The following HERC4 variants were observed in gnomAD, a reference collection of about 807,000 sequenced individuals.
HERC4 encodes probable E3 ubiquitin-protein ligase HERC4.
In HERC4, 28 loss-of-function variants were observed where a neutral mutation model predicts 124.3. The ratio of observed to expected loss-of-function variants is 0.23; its 90% CI spans 0.17 to 0.31. The LOEUF (loss-of-function observed/expected upper bound fraction) is 0.31, where lower values mean the gene tolerates loss of function less well. Among genes scored for constraint, HERC4 ranks in the 10% least tolerant of loss-of-function variants. The pLI is 1.00. For missense variants in HERC4, 713 were observed against 1,229.3 expected, an observed-to-expected ratio of 0.58 and a Z score of 6.28; for synonymous variants, 407 against 421.5, an observed-to-expected ratio of 0.97 and a Z score of 0.42.
intron 16 of HERC4, chr10:67,961,174 A>G (rs2034493122): frequency 6.1e-6 from 1 of 164,544 alleles, no homozygotes. Flanking sequence ...GATCCATGCA[A>G]TGGAAGTTAG....
chr10:67,922,750 ATATTAACAGTTTGTT>A lies in HERC4; in HGVS notation c.*166_*180del. The A allele has an allele frequency of 4.1e-6, 2 of 483,418 alleles. No homozygotes were observed. Among genetic ancestry groups the A allele is most frequent in the Non-Finnish European group, 3.7e-6 (1 of 269,546 alleles). The allele number at this position is 483,418 out of a possible 1,614,324, so 29.9% of individuals were successfully genotyped here. A position where few individuals can be genotyped will look rare whatever the true frequency, so the allele number is the denominator to read the frequency against. On this transcript the variant is annotated 3_prime_UTR_variant, in exon 25 of 25. Coordinates refer to ENST00000373700, the MANE Select transcript of HERC4 (RefSeq NM_015601.4). ...AAAAAATCCATGGTTCTGTACAATA[ATATTAACAGTTTGTT>A]CATTTTCCTTTAATATTTTTTGGCT...
intron 13 of HERC4, 55 bp from the exon 14 acceptor site, chr10:67,990,455 AG>A: frequency 4.9e-6 from 5 of 1,013,016 alleles, no homozygotes; most frequent in East Asian, 3.3e-5. Flanking sequence ...ACACTTTCAA[AG>A]AAAAAAAAAA....
At chr10:68,019,474 C>G (rs896545079) in intron 8 of HERC4, among the ~76,000 whole-genome samples, 8 of 151,958 alleles carry the variant, frequency 5.3e-5, no homozygotes, top group African/African-American at 1.9e-4. Context: ...AACAGTGACA[C>G]CATACAGTAG....
At chr10:68,031,484 C>T (rs914981764) in intron 7 of HERC4, among the ~76,000 whole-genome samples, 1 of 151,786 alleles carries the variant, frequency 6.6e-6, no homozygotes, top group Non-Finnish European at 1.5e-5. Flanking sequence ...TAGGTTGGTG[C>T]AAAATTAATT....
chr10:68,029,473 C>A (rs758563078), intron 7 of HERC4, among the ~76,000 whole-genome samples: 1 of 151,322 alleles, frequency 6.6e-6, no homozygotes, highest in South Asian at 2.1e-4. Context: ...GACTGGGTGA[C>A]AGAACAAGAC....
At chr10:67,946,396 C>CACACACAA (rs920956046) in intron 19 of HERC4, among the ~76,000 whole-genome samples, 37 of 142,266 alleles carry the variant, frequency 2.6e-4, no homozygotes, top group African/African-American at 8.2e-4. Context: ...CACACACACA[C>CACACACAA]AAGACCCAAT....
At chr10:68,074,812 C>G (rs1270873219) in intron 1 of HERC4, 1 of 152,812 alleles carries the variant, frequency 6.5e-6, no homozygotes, top group African/African-American at 2.4e-5. Context: ...CAGCCCTGCC[C>G]TCGCCCCACG....
chr10:67,925,790 G>A (rs1437811307), intron 23 of HERC4, among the ~76,000 whole-genome samples: 1 of 152,106 alleles, frequency 6.6e-6, no homozygotes, highest in Non-Finnish European at 1.5e-5. Flanking sequence ...CATTTCATGA[G>A]GATATTCAAA....
At chr10:68,014,989 G>A (rs980313128) in intron 8 of HERC4, among the ~76,000 whole-genome samples, 1 of 152,142 alleles carries the variant, frequency 6.6e-6, no homozygotes, top group Non-Finnish European at 1.5e-5. Flanking sequence ...TATAAAAGTG[G>A]CTGAAATTAT....
chr10:68,025,543 T>C lies in HERC4; in HGVS notation c.908+3A>G, dbSNP rs1464522094. ...CAAAATGCTCTTTTACATAACACCT[T>C]ACCGTCCACAAGCAATCTCAGTGAC... is the stretch of plus-strand genomic sequence containing the variant. On this transcript the variant is annotated splice_donor_region_variant and intron_variant, in intron 8 of 24. Transcript: ENST00000373700. 1 of 1,612,208 alleles carries C rather than the reference T, an allele frequency of 6.2e-7. No homozygotes were observed. Among genetic ancestry groups the C allele is most frequent in the Non-Finnish European group, 8.5e-7 (1 of 1,179,102 alleles).
chr10:68,067,968 G>A (rs1564619548), intron 3 of HERC4: 1 of 152,122 alleles, frequency 6.6e-6, no homozygotes, highest in Non-Finnish European at 1.5e-5. Context: ...TTCTTAAAAT[G>A]ATTTTTAAGT....
intron 3 of HERC4, among the ~76,000 whole-genome samples, chr10:68,056,017 G>A (rs2040531300): frequency 6.6e-6 from 1 of 151,960 alleles, no homozygotes; most frequent in Admixed American, 6.6e-5. Flanking sequence ...CAAAGTGCTG[G>A]GATTACAAGC....
chr10:67,946,954 G>A (rs2132213376), intron 19 of HERC4, among the ~76,000 whole-genome samples: 1 of 152,080 alleles, frequency 6.6e-6, no homozygotes, highest in South Asian at 2.1e-4. Context: ...ACCCATACTG[G>A]ACTGCCCAGA....
rs866968620 is a variant in HERC4, at chr10:67,955,271, C to T, written c.2026-141G>A. 1.2e-4 allele frequency: 80 copies of T among 660,760 alleles called. 1 individual carries two copies. The Middle Eastern group carries it at 1.8e-3, about 15-fold the overall frequency. The allele number at this position is 660,760 out of a possible 1,614,324, so 40.9% of individuals were successfully genotyped here. Reference sequence around the variant, plus strand: ...ATTAACATAGCACCTAACAGTATCCCGTACAGCATAAAACTTAATAAACTG... The same window carrying T: ...ATTAACATAGCACCTAACAGTATCCTGTACAGCATAAAACTTAATAAACTG... On this transcript the variant is annotated intron_variant, in intron 17 of 24. Coordinates refer to ENST00000373700, the MANE Select transcript of HERC4 (RefSeq NM_015601.4).
At chr10:68,018,683 G>A (rs916716409) in intron 8 of HERC4, among the ~76,000 whole-genome samples, 21 of 152,058 alleles carry the variant, frequency 1.4e-4, no homozygotes, top group Non-Finnish European at 2.8e-4. Flanking sequence ...TCCTCAGAAA[G>A]TGGAAATAAA....
intron 19 of HERC4, among the ~76,000 whole-genome samples, chr10:67,953,729 G>T (rs907104662): frequency 2.0e-5 from 3 of 152,034 alleles, no homozygotes; most frequent in Non-Finnish European, 2.9e-5. Context: ...TTGAAAAATT[G>T]GTAACTAAAT....
intron 9 of HERC4, chr10:67,995,058 T>G (rs2036784906): frequency 3.2e-6 from 1 of 314,638 alleles, no homozygotes; most frequent in African/African-American, 2.2e-5. Flanking sequence ...TACAACTTTA[T>G]GCAGACTGGA....
At chr10:67,956,634 A>AATATTCATTAC (rs2034158358) in intron 17 of HERC4, 2 of 280,070 alleles carry the variant, frequency 7.1e-6, no homozygotes, top group African/African-American at 4.4e-5. Flanking sequence ...TCTGTAATGA[A>AATATTCATTAC]AGAGGCTTAT....
chr10:67,989,764 G>C (rs1448601297), intron 14 of HERC4, among the ~76,000 whole-genome samples: 1 of 151,964 alleles, frequency 6.6e-6, no homozygotes, highest in African/African-American at 2.4e-5. Context: ...ATAAAATCTA[G>C]TCTATAGGCA....
Sources: gnomAD v4.1 joint callset for allele counts (sites outside exome capture counted in the v4.1 genomes callset) on GRCh38, gnomAD v4.1.1 for gene constraint, MANE v1.5 for transcripts, NCBI Gene and HGNC (gene_info 2026-07-23, HGNC 2026-07-21) for gene names.